The following ARHGEF1 variants were observed in gnomAD, a reference collection of about 807,000 sequenced individuals.
ARHGEF1 encodes the protein Rho guanine nucleotide exchange factor 1.
In ARHGEF1, 40 loss-of-function variants were observed where a neutral mutation model predicts 119.7. The observed-to-expected ratio is 0.33, with a 90% confidence interval of 0.26 to 0.44. The LOEUF (loss-of-function observed/expected upper bound fraction) is 0.44, where lower values mean the gene tolerates loss of function less well. Ranked by LOEUF, ARHGEF1 falls within the 20% of genes least tolerant of loss-of-function variation. The probability of loss-of-function intolerance (pLI) is 1.00; values close to 1 mark genes in which losing one functional copy is unlikely to be tolerated. For synonymous variants in ARHGEF1, 494 were observed against 521.0 expected (o/e 0.95, Z 0.71); for missense variants, 976 against 1,268.3 (o/e 0.77, Z 3.50).
downstream of ARHGEF1, among the ~76,000 whole-genome samples, chr19:41,911,177 T>C (rs1426378551): frequency 6.6e-6 from 1 of 152,102 alleles, no homozygotes; most frequent in African/African-American, 2.4e-5. Flanking sequence ...ACGTCTCACA[T>C]GCAGAGGGGA....
intron 13 of ARHGEF1, 138 bp from the exon 14 acceptor site, chr19:41,898,304 G>GA: frequency 7.2e-7 from 1 of 1,388,964 alleles, no homozygotes; most frequent in Non-Finnish European, 9.7e-7. Flanking sequence ...GTCCGATCTA[G>GA]AGACCTGGTC....
upstream of ARHGEF1, among the ~76,000 whole-genome samples, chr19:41,922,554 C>G (rs1568836193): frequency 6.6e-6 from 1 of 151,960 alleles, no homozygotes; most frequent in Non-Finnish European, 1.5e-5. Flanking sequence ...GTCAAAGACC[C>G]AGGAGGGCAA....
At chr19:41,915,232 A>AGGAGCC (rs2074793416) in intron 18 of ARHGEF1, among the ~76,000 whole-genome samples, 1 of 145,106 alleles carries the variant, frequency 6.9e-6, no homozygotes, top group African/African-American at 2.6e-5. Context: ...CGTTATAACG[A>AGGAGCC]GGAGCCGTGG....
rs1568831700 is a variant in ARHGEF1, at chr19:41,914,602, GTCTCTCCCTCCCCTTCCACCA to G, written c.1865+7805_1865+7825del. Among the ~76,000 whole-genome samples, 3 of 47,724 alleles carry G rather than the reference GTCTCTCCCTCCCCTTCCACCA, an allele frequency of 6.3e-5. 1 individual carries two copies. Among genetic ancestry groups the G allele is most frequent in the African/African-American group, 2.8e-4 (2 of 7,262 alleles). The allele number at this position is 47,724 out of a possible 152,430, so 31.3% of individuals were successfully genotyped here. Reference sequence around the variant, plus strand: ...CTCTCCCTCCCTTTCCACCATCTCTGTCTCTCCCTCCCCTTCCACCATCTCTGTCTCTGTCTCTCCCTCCCT... The same window carrying G: ...CTCTCCCTCCCTTTCCACCATCTCTGTCTCTGTCTCTGTCTCTCCCTCCCT... On this transcript the variant is annotated intron_variant, in intron 18 of 20. Coordinates refer to the ARHGEF1 transcript ENST00000599589.
At chr19:41,908,972 T>C, downstream of ARHGEF1, 1 of 845,776 alleles carries the variant, frequency 1.2e-6, no homozygotes, top group Non-Finnish European at 1.6e-6. This position sits in a 1 kb window ranked among gnomAD's most constrained non-coding sequence, Gnocchi z 6.7. Flanking sequence ...CTTCCCCATC[T>C]CTTCTCTTGT....
At chr19:41,912,888 A>G (rs2074762142) in intron 18 of ARHGEF1, 13 of 1,231,442 alleles carry the variant, frequency 1.1e-5, no homozygotes, top group Non-Finnish European at 1.3e-5. Context: ...GGGCGGGGCG[A>G]AGAGAAGGTC....
rs2288509 is a variant in ARHGEF1 at position 41,888,239 on chromosome 19, C to T, written c.72C>T (p.Ile24=). ...SRPGLVPVSI[I]GAEDEDFENE... is the part of the protein sequence containing the mutation. ...CTGGCCTGGTTCCCGTCAGCATCAT[C>T]GGGGCTGAGGATGAGGATTTTGAGA... is the stretch of plus-strand genomic sequence containing the variant. The change falls in exon 3 of 29, where the codon ATC becomes ATT. Residue 24 remains isoleucine (I), a synonymous_variant. Coordinates refer to ENST00000354532, the MANE Select transcript of ARHGEF1 (RefSeq NM_004706.4). This position sits in a 1 kb window ranked among gnomAD's most constrained non-coding sequence, Gnocchi z 5.1. 0.048 allele frequency: 77,373 copies of T among 1,613,920 alleles called. 15,041 individuals carry two copies. The African/African-American group carries it at 0.58, about 12-fold the overall frequency.
downstream of ARHGEF1, chr19:41,910,164 G>T: frequency 6.8e-7 from 1 of 1,475,034 alleles, no homozygotes; most frequent in Non-Finnish European, 9.2e-7. This position sits in a 1 kb window ranked among gnomAD's most constrained non-coding sequence, Gnocchi z 4.4. Flanking sequence ...GGTCCTGCTG[G>T]ACTCAGTAAC....
chr19:41,924,674 G>A (rs1397062417), intron 1 of ARHGEF1, among the ~76,000 whole-genome samples: 1 of 152,116 alleles, frequency 6.6e-6, no homozygotes, highest in Non-Finnish European at 1.5e-5. Flanking sequence ...AGATAACCTC[G>A]GACTTAAGAT....
intron 1 of ARHGEF1, 119 bp from the exon 2 acceptor site, chr19:41,887,945 G>C (rs782164361): frequency 1.7e-6 from 2 of 1,162,184 alleles, no homozygotes; most frequent in African/African-American, 3.3e-5. Flanking sequence ...ATTGAGCTGC[G>C]GAGGCTGGGA....
Position 41,916,302 on chromosome 19 carries a change from G to A in ARHGEF1, c.1866-6790G>A, listed in dbSNP as rs893798235. On this transcript the variant is annotated intron_variant, in intron 18 of 20. Coordinates refer to the ARHGEF1 transcript ENST00000599589. The surrounding 1 kb of genome is among the most constrained non-coding windows in gnomAD (Gnocchi z 5.4). ...TCAACAAAGTCACACACAGCACCAC[G>A]TCCCACACAACACATCACACACACC... Among the ~76,000 whole-genome samples the A allele has an allele frequency of 6.6e-6, 1 of 151,188 alleles. No homozygotes were observed. The highest frequency in any genetic ancestry group is 1.5e-5 in the Non-Finnish European group (1 of 67,824).
intron 13 of ARHGEF1, chr19:41,898,083 C>G (rs1384705148): frequency 7.3e-7 from 1 of 1,361,872 alleles, no homozygotes; most frequent in Non-Finnish European, 9.4e-7. Context: ...AGTTCCGCCA[C>G]GGCAGTGCTT....
intron 14 of ARHGEF1, among the ~76,000 whole-genome samples, chr19:41,898,860 C>T (rs2074555193): frequency 6.6e-6 from 1 of 152,226 alleles, no homozygotes. Context: ...CTGGTGCAAG[C>T]TTTTATTTCC....
chr19:41,924,016 G>A (rs550111468), intron 1 of ARHGEF1, among the ~76,000 whole-genome samples: 6 of 135,984 alleles, frequency 4.4e-5, no homozygotes, highest in African/African-American at 1.7e-4. Context: ...GTCTGGGGAG[G>A]TGGGGGTGCT....
rs367629351 is a variant in ARHGEF1 at position 41,903,093 on chromosome 19, GT to G, written c.1739-203del. Reference sequence around the variant, plus strand: ...CCACCATGCCCAGCTAATTTTTTTAGTTTTTTTTTTTAGAGACGGGGTCTCG... The same window carrying G: ...CCACCATGCCCAGCTAATTTTTTTAGTTTTTTTTTTAGAGACGGGGTCTCG... On this transcript the variant is annotated intron_variant, in intron 18 of 28. Transcript: ENST00000354532. This position sits in a 1 kb window ranked among gnomAD's most constrained non-coding sequence, Gnocchi z 4.2. 2.7e-4 allele frequency among the ~76,000 whole-genome samples: 39 copies of G among 146,346 alleles called. No individual in the cohort carries two copies. The East Asian group carries it at 4.2e-3, about 16-fold the overall frequency.
chr19:41,897,386 C>A, intron 13 of ARHGEF1: 1 of 1,168,896 alleles, frequency 8.6e-7, no homozygotes, highest in Non-Finnish European at 1.1e-6. Context: ...CTCCCAGCCC[C>A]TCCCCTCTCC....
intron 7 of ARHGEF1, 198 bp downstream of exon 7, chr19:41,893,047 C>A (rs1384791266): frequency 1.4e-5 from 15 of 1,046,444 alleles, no homozygotes; most frequent in Non-Finnish European, 2.0e-5. Context: ...TTGGGGTTCC[C>A]TTGTCATTTC....
downstream of ARHGEF1, among the ~76,000 whole-genome samples, chr19:41,909,632 G>T (rs1433674219): frequency 6.6e-6 from 1 of 152,174 alleles, no homozygotes; most frequent in East Asian, 1.9e-4. The surrounding 1 kb of genome is among the most constrained non-coding windows in gnomAD (Gnocchi z 5.2). Flanking sequence ...ACAGGGCAAG[G>T]AAGGGATGAG....
In ARHGEF1 at chr19:41,916,493, C is replaced by A. The variant is rs1246223494; in HGVS notation, c.1866-6599C>A. Reference sequence around the variant, plus strand: ...GTTTTACACAAATACACACATGACACATCAATTCAATCTCACACAGAAACA... The same window carrying A: ...GTTTTACACAAATACACACATGACAAATCAATTCAATCTCACACAGAAACA... On this transcript the variant is annotated intron_variant, in intron 18 of 20. Transcript: ENST00000599589. The surrounding 1 kb of genome is among the most constrained non-coding windows in gnomAD (Gnocchi z 5.4). Among the ~76,000 whole-genome samples, 1 of 152,040 alleles carries A rather than the reference C, an allele frequency of 6.6e-6. No homozygotes were observed. Among genetic ancestry groups the A allele is most frequent in the Non-Finnish European group, 1.5e-5 (1 of 68,014 alleles).
Sources: gnomAD v4.1 joint callset for allele counts (sites outside exome capture counted in the v4.1 genomes callset) on GRCh38, gnomAD v4.1.1 for gene constraint, Gnocchi (gnomAD v3.1) non-coding constraint, MANE v1.5 for transcripts, NCBI Gene and HGNC (gene_info 2026-07-23, HGNC 2026-07-21) for gene names.